The following TRPV5 variants were observed in gnomAD, a reference collection of about 807,000 sequenced individuals.
TRPV5 encodes transient receptor potential cation channel subfamily V member 5.
In TRPV5, 66 loss-of-function variants were observed where a neutral mutation model predicts 74.1. That is an observed-to-expected ratio of 0.89 (90% CI 0.73 to 1.09). The LOEUF (loss-of-function observed/expected upper bound fraction) is 1.09. Ranked by LOEUF, TRPV5 falls within the 50% of genes least tolerant of loss-of-function variation. The probability of loss-of-function intolerance (pLI) is 0.00; values close to 1 mark genes in which losing one functional copy is unlikely to be tolerated. For synonymous variants in TRPV5, 399 were observed against 360.7 expected, an observed-to-expected ratio of 1.11 and a Z score of -1.20; for missense variants, 936 against 930.4, an observed-to-expected ratio of 1.01 and a Z score of -0.08.
chr7:142,908,204 T>G lies in TRPV5; in HGVS notation c.*310A>C. 1 of 428,906 alleles carries G rather than the reference T, an allele frequency of 2.3e-6. No homozygotes were observed. Among genetic ancestry groups the G allele is most frequent in the Non-Finnish European group, 4.2e-6 (1 of 238,358 alleles). 26.6% of individuals were successfully genotyped at this position (428,906 alleles called of 1,614,324 possible). A position where few individuals can be genotyped will look rare whatever the true frequency, so the allele number is the denominator to read the frequency against. On this transcript the variant is annotated 3_prime_UTR_variant, in exon 15 of 15. Coordinates refer to ENST00000265310, the MANE Select transcript of TRPV5 (RefSeq NM_019841.7). ...AGCTTACTACTTTCTAGGGGCTGCG[T>G]GGGGCAGAAGAGAAATGGTCCTGAC...
chr7:142,932,820 A>T (rs948496364), intron 1 of TRPV5, among the ~76,000 whole-genome samples: 1 of 152,214 alleles, frequency 6.6e-6, no homozygotes, highest in Non-Finnish European at 1.5e-5. Flanking sequence ...TAAAAGGCAG[A>T]TGGACTGAAC....
chr7:142,929,908 ACCTTTGC>A, intron 3 of TRPV5, 143 bp downstream of exon 3: 1 of 1,270,196 alleles, frequency 7.9e-7, no homozygotes, highest in Non-Finnish European at 1.1e-6. Context: ...CAAGACCAGG[ACCTTTGC>A]ATTTCTCCCA....
rs1211243220 is a variant in TRPV5 at position 142,929,116 on chromosome 7, C to A, written c.492G>T (p.Glu164Asp). 6.8e-6 allele frequency: 11 copies of A among 1,613,848 alleles called. No homozygotes were observed. The highest frequency in any genetic ancestry group is 9.3e-6 in the Non-Finnish European group (11 of 1,179,932). Residue 164 changes from glutamate to aspartate, a missense_variant, in exon 5 of 15, where the codon GAG (glutamate) becomes GAT (aspartate). Transcript: ENST00000265310. ...CACAGGCAGCAAAGGACAAAGGGTG[C>A]TCCCCTGTGGACACAGAGAGATCCA... ...HSPRNLIYFGEHPLSFAACVN... is the reference protein window; with the variant it reads ...HSPRNLIYFGDHPLSFAACVN...
At chr7:142,928,573 G>T in intron 6 of TRPV5, 118 bp downstream of exon 6, 1 of 1,396,898 alleles carries the variant, frequency 7.2e-7, no homozygotes, top group Admixed American at 2.8e-5. Context: ...CCTTTGGGGA[G>T]TTTGGGGAAA....
chr7:142,926,754 G>A (rs951701379), intron 7 of TRPV5, among the ~76,000 whole-genome samples: 3 of 152,136 alleles, frequency 2.0e-5, no homozygotes, highest in Non-Finnish European at 2.9e-5. Flanking sequence ...CCAAGGATAT[G>A]TGGTGGCGAA....
At position 142,908,483 on chromosome 7, in the gene TRPV5, G is replaced by T. The variant is rs1795645808; in HGVS notation, c.*31C>A. The T allele has an allele frequency of 1.9e-6, 3 of 1,606,644 alleles. No homozygotes were observed. The highest frequency in any genetic ancestry group is 2.6e-6 in the Non-Finnish European group (3 of 1,173,816). On this transcript the variant is annotated 3_prime_UTR_variant, in exon 15 of 15. Coordinates refer to ENST00000265310, the MANE Select transcript of TRPV5 (RefSeq NM_019841.7). ...TCTGTCCCCGCCCCCAGGCCAACCGGGAGTAAGGTCAAGAGTGATAGCGAT... is the reference window on the plus strand; with the variant it reads ...TCTGTCCCCGCCCCCAGGCCAACCGTGAGTAAGGTCAAGAGTGATAGCGAT...
At position 142,928,179 on chromosome 7, in the gene TRPV5, A is replaced by G; in HGVS notation, c.818T>C (p.Leu273Pro). Residue 273 changes from leucine (L) to proline (P), a missense_variant, in exon 7 of 15, where the codon CTG becomes CCG. Transcript: ENST00000265310. ...CGTGAGGTCGTAGAGAATGGAGGTCAGGGGTCCATACGTCCACTGGATGTG... is the reference window on the plus strand; with the variant it reads ...CGTGAGGTCGTAGAGAATGGAGGTCGGGGGTCCATACGTCCACTGGATGTG... ...RRHIQWTYGPLTSILYDLTEI... is the reference protein window; with the variant it reads ...RRHIQWTYGPPTSILYDLTEI... 4 of 1,614,142 alleles carry G rather than the reference A, an allele frequency of 2.5e-6. No individual in the cohort carries two copies. Among genetic ancestry groups the G allele is most frequent in the Non-Finnish European group, 3.4e-6 (4 of 1,179,990 alleles).
chr7:142,918,504 A>T (rs953694046), intron 8 of TRPV5, among the ~76,000 whole-genome samples: 2 of 152,216 alleles, frequency 1.3e-5, no homozygotes, highest in African/African-American at 4.8e-5. Flanking sequence ...GACCTTTCTA[A>T]AACACAGATA....
chr7:142,930,814 T>G (rs1796076877), intron 1 of TRPV5, among the ~76,000 whole-genome samples: 1 of 152,138 alleles, frequency 6.6e-6, no homozygotes, highest in Non-Finnish European at 1.5e-5. Flanking sequence ...AGATCCTGGA[T>G]AGTTGGAGAG....
chr7:142,926,034 CA>C (rs1363545154), intron 7 of TRPV5, among the ~76,000 whole-genome samples: 1 of 152,072 alleles, frequency 6.6e-6, no homozygotes, highest in African/African-American at 2.4e-5. Context: ...AAGCTAACAG[CA>C]GTTGCCAGGT....
At chr7:142,923,996 C>T (rs1221403386) in intron 8 of TRPV5, among the ~76,000 whole-genome samples, 2 of 151,914 alleles carry the variant, frequency 1.3e-5, no homozygotes, top group Admixed American at 1.3e-4. Flanking sequence ...TCATCCCCAC[C>T]TTGTTTGTGT....
intron 11 of TRPV5, 82 bp from the exon 12 acceptor site, chr7:142,914,788 C>T (rs1465395702): frequency 5.0e-6 from 8 of 1,605,446 alleles, no homozygotes; most frequent in Non-Finnish European, 6.0e-6. Flanking sequence ...GATCAAGAGG[C>T]CCCCATAGTT....
Position 142,928,842 on chromosome 7 carries a change from A to G in TRPV5, c.611T>C (p.Ile204Thr), listed in dbSNP as rs1449943369. Residue 204 changes from isoleucine to threonine, a missense_variant, in exon 6 of 15, where the codon ATC (isoleucine) becomes ACC (threonine). Physicochemically the swap from Ile to Thr is moderately conservative, Grantham distance 89. Transcript: ENST00000265310. ...SLGNTVLHIL[I>T]LQPNKTFACQ... Reference sequence around the variant, plus strand: ...GGCAAAGGTTTTGTTGGGCTGGAGGATGAGGATGTGTAATACTGTGTTTCC... The same window carrying G: ...GGCAAAGGTTTTGTTGGGCTGGAGGGTGAGGATGTGTAATACTGTGTTTCC... 1 of 1,614,108 alleles carries G rather than the reference A, an allele frequency of 6.2e-7. No individual in the cohort carries two copies. The highest frequency in any genetic ancestry group is 8.5e-7 in the Non-Finnish European group (1 of 1,179,990).
chr7:142,928,021 T>G (rs1461832665), intron 7 of TRPV5, 67 bp downstream of exon 7: 1 of 1,596,066 alleles, frequency 6.3e-7, no homozygotes, highest in Admixed American at 1.7e-5. Context: ...TCTTAGTAAG[T>G]GGACAGACTC....
intron 6 of TRPV5, 127 bp downstream of exon 6, chr7:142,928,564 C>CT: frequency 1.5e-6 from 2 of 1,359,586 alleles, no homozygotes. Flanking sequence ...ACCACCATCC[C>CT]TTTGGGGAGT....
chr7:142,908,731 T>G lies in TRPV5; in HGVS notation c.1973A>C (p.Asp658Ala). ...VEVFKNSDKE[D>A]DQEHPSEKQP... ...TTTCTCAGATGGATGCTCCTGGTCA[T>G]CCTCCTTGTCTGAGTTCTTGAACAC... Residue 658 changes from aspartate to alanine, a missense_variant, in exon 15 of 15, where the codon GAT becomes GCT. Physicochemically the swap from Asp to Ala is moderately radical, Grantham distance 126. Transcript: ENST00000265310. 1 of 1,614,134 alleles carries G rather than the reference T, an allele frequency of 6.2e-7. No homozygotes were observed. Among genetic ancestry groups the G allele is most frequent in the Non-Finnish European group, 8.5e-7 (1 of 1,180,038 alleles).
chr7:142,914,088 T>C (rs1025774570), intron 12 of TRPV5, among the ~76,000 whole-genome samples: 2 of 152,218 alleles, frequency 1.3e-5, no homozygotes, highest in African/African-American at 4.8e-5. Context: ...TCACAACTCT[T>C]CTTTTTTGTT....
chr7:142,932,051 G>A (rs1169791669), intron 1 of TRPV5, among the ~76,000 whole-genome samples: 1 of 152,156 alleles, frequency 6.6e-6, no homozygotes, highest in African/African-American at 2.4e-5. Context: ...GTGGGGCCTG[G>A]TTTTACCTGT....
At chr7:142,929,362 C>T in intron 4 of TRPV5, 66 bp downstream of exon 4, 2 of 1,585,454 alleles carry the variant, frequency 1.3e-6, no homozygotes, top group East Asian at 2.2e-5. Context: ...ACCCTCATGC[C>T]CTGGCCTCCC....
Sources: gnomAD v4.1 joint callset for allele counts (sites outside exome capture counted in the v4.1 genomes callset) on GRCh38, gnomAD v4.1.1 for gene constraint, MANE v1.5 for transcripts, NCBI Gene and HGNC (gene_info 2026-07-23, HGNC 2026-07-21) for gene names.